IGF2BP3: variants seen among roughly 807,000 people sequenced by gnomAD.
The protein encoded by IGF2BP3 is insulin-like growth factor 2 mRNA-binding protein 3.
Under a neutral mutation model 73.8 loss-of-function variants are expected in IGF2BP3, and 9 were observed. That is an observed-to-expected ratio of 0.12 (90% CI 0.07 to 0.21). IGF2BP3 has a LOEUF of 0.21. IGF2BP3 is among the 10% of genes least tolerant of loss of function. IGF2BP3 has a pLI of 1.00. For missense variants in IGF2BP3, 542 were observed against 714.0 expected, an observed-to-expected ratio of 0.76 and a Z score of 2.75; for synonymous variants, 258 against 256.7, an observed-to-expected ratio of 1.01 and a Z score of -0.05.
chr7:23,351,242 C>T, intron 6 of IGF2BP3, 63 bp downstream of exon 6: 21 of 1,570,300 alleles, frequency 1.3e-5, no homozygotes, highest in Non-Finnish European at 1.7e-5. Context: ...CAGAACGACA[C>T]ACTGTTACTA....
chr7:23,335,622 C>G (rs1238642979), intron 10 of IGF2BP3, among the ~76,000 whole-genome samples: 2 of 152,090 alleles, frequency 1.3e-5, no homozygotes, highest in East Asian at 3.8e-4. Context: ...GTGCTAATCT[C>G]TCTTGCCTCT....
intron 1 of IGF2BP3, among the ~76,000 whole-genome samples, 166 bp from the exon 2 acceptor site, chr7:23,468,708 G>A (rs1011796259): frequency 3.9e-5 from 6 of 152,200 alleles, no homozygotes; most frequent in African/African-American, 1.4e-4. Context: ...CCCCTCGAGC[G>A]GCGTGGGCAT....
chr7:23,403,233 A>T (rs1162704347), intron 3 of IGF2BP3, among the ~76,000 whole-genome samples: 1 of 152,186 alleles, frequency 6.6e-6, no homozygotes, highest in Admixed American at 6.6e-5. Flanking sequence ...AGAGCACACA[A>T]CTTTGCATTG....
At chr7:23,344,011 C>T (rs749150943) in intron 8 of IGF2BP3, among the ~76,000 whole-genome samples, 158 bp from the exon 9 acceptor site, 1 of 152,142 alleles carries the variant, frequency 6.6e-6, no homozygotes, top group Non-Finnish European at 1.5e-5. Flanking sequence ...CCCCAAAAGA[C>T]GTAAATCCGA....
At chr7:23,371,060 G>C (rs1421931853) in intron 3 of IGF2BP3, among the ~76,000 whole-genome samples, 2 of 152,014 alleles carry the variant, frequency 1.3e-5, no homozygotes, top group Non-Finnish European at 1.5e-5. Context: ...TATAGAAGTG[G>C]AACAAGCATT....
In IGF2BP3 at chr7:23,336,896, C is replaced by T. The variant is rs115695699; in HGVS notation, c.1203+5168G>A. The stretch of plus-strand genomic sequence containing the variant: ...CCAGGATGCGGAGTTTGCAGTGAAC[C>T]GAGATTGCGCCACCACACTCCACCC... On this transcript the variant is annotated intron_variant, in intron 10 of 14. Transcript: ENST00000258729. Among the ~76,000 whole-genome samples the T allele has an allele frequency of 8.9e-3, 1,352 of 151,666 alleles. 20 individuals carry two copies. Among genetic ancestry groups the T allele is most frequent in the African/African-American group, 0.031 (1,269 of 41,342 alleles).
At chr7:23,371,490 A>G (rs1024517522) in intron 3 of IGF2BP3, among the ~76,000 whole-genome samples, 3 of 152,218 alleles carry the variant, frequency 2.0e-5, no homozygotes, top group African/African-American at 7.2e-5. Context: ...CCAGTTAAAT[A>G]TTGATATATA....
chr7:23,447,356 C>T (rs974356645), intron 2 of IGF2BP3, among the ~76,000 whole-genome samples: 2 of 151,144 alleles, frequency 1.3e-5, no homozygotes, highest in East Asian at 2.0e-4. Flanking sequence ...GATTACAGGT[C>T]GCTCATGCCT....
intron 3 of IGF2BP3, among the ~76,000 whole-genome samples, chr7:23,387,791 T>C (rs940069885): frequency 2.0e-5 from 3 of 152,098 alleles, no homozygotes; most frequent in East Asian, 1.9e-4. Flanking sequence ...CACACACACA[T>C]ACTCACACAA....
intron 2 of IGF2BP3, among the ~76,000 whole-genome samples, chr7:23,451,766 T>A (rs1237228436): frequency 6.6e-6 from 1 of 151,766 alleles, no homozygotes; most frequent in Non-Finnish European, 1.5e-5. Flanking sequence ...CTGGCCAACG[T>A]AGTGAAACCC....
At chr7:23,400,340 C>T (rs1013987336) in intron 3 of IGF2BP3, among the ~76,000 whole-genome samples, 11 of 152,332 alleles carry the variant, frequency 7.2e-5, no homozygotes, top group African/African-American at 2.6e-4. Flanking sequence ...GAAGTAGTAT[C>T]TCTAAGCTAT....
intron 3 of IGF2BP3, among the ~76,000 whole-genome samples, chr7:23,392,627 T>G (rs1402532036): frequency 6.6e-6 from 1 of 151,920 alleles, no homozygotes; most frequent in Non-Finnish European, 1.5e-5. Context: ...CACAAACACT[T>G]TTTTTTGTTT....
chr7:23,317,556 G>T, intron 12 of IGF2BP3, 83 bp downstream of exon 12: 1 of 943,880 alleles, frequency 1.1e-6, no homozygotes, highest in Non-Finnish European at 1.7e-6. Flanking sequence ...CTGAGATTTA[G>T]ACATATTTAA....
At chr7:23,336,494 G>T (rs1190752286) in intron 10 of IGF2BP3, among the ~76,000 whole-genome samples, 1 of 150,898 alleles carries the variant, frequency 6.6e-6, no homozygotes, top group Non-Finnish European at 1.5e-5. Context: ...ACATAAAACA[G>T]TATGTTCTTT....
chr7:23,335,790 C>T (rs1016884500), intron 10 of IGF2BP3, among the ~76,000 whole-genome samples: 2 of 152,220 alleles, frequency 1.3e-5, no homozygotes, highest in African/African-American at 4.8e-5. Flanking sequence ...TAAGGCGACA[C>T]GCACTATGCC....
rs892410115 is a variant in IGF2BP3 at position 23,312,415 on chromosome 7, G to A, written c.1687C>T (p.His563Tyr). 8 of 1,613,652 alleles carry A rather than the reference G, an allele frequency of 5.0e-6. No individual in the cohort carries two copies. The highest frequency in any genetic ancestry group is 6.8e-6 in the Non-Finnish European group (8 of 1,179,968). The change falls in exon 15 of 15, where the codon CAC (histidine) becomes TAC (tyrosine). Residue 563 changes from histidine (H) to tyrosine (Y), a missense_variant. Physicochemically the swap from His to Tyr is moderately conservative, Grantham distance 83 (BLOSUM62 2). Transcript: ENST00000258729. ...CTTTGCAGAGCCTTCTGTTGTTGGT[G>A]CTGCTTTACCTGAGTCAGAATTTCC... ...IQEILTQVKQHQQQKALQSGP... is the reference protein window; with the variant it reads ...IQEILTQVKQYQQQKALQSGP...
chr7:23,452,255 C>T (rs2128548885), intron 2 of IGF2BP3, among the ~76,000 whole-genome samples: 1 of 152,218 alleles, frequency 6.6e-6, no homozygotes. Flanking sequence ...CCGCCTGCCT[C>T]AGCCTCCTCA....
In IGF2BP3 at chr7:23,333,471, G is replaced by C. The variant is rs538738741; in HGVS notation, c.1203+8593C>G. On this transcript the variant is annotated intron_variant, in intron 10 of 14. Transcript: ENST00000258729. Reference sequence around the variant, plus strand: ...AAAACAAAGTTATCTTTCTGACATAGTGATGAAGGGCTGTCCATGTTCTTG... The same window carrying C: ...AAAACAAAGTTATCTTTCTGACATACTGATGAAGGGCTGTCCATGTTCTTG... 3.3e-5 allele frequency among the ~76,000 whole-genome samples: 5 copies of C among 152,214 alleles called. No homozygotes were observed. In the South Asian group the frequency reaches 1.0e-3, roughly 32 times the overall value.
chr7:23,337,855 G>A (rs1282815554), intron 10 of IGF2BP3, among the ~76,000 whole-genome samples: 1 of 152,080 alleles, frequency 6.6e-6, no homozygotes, highest in Admixed American at 6.6e-5. Context: ...CTTCTTGTTG[G>A]CTGGAAACAG....
Sources: allele counts gnomAD v4.1 joint callset (sites outside exome capture counted in the v4.1 genomes callset), GRCh38; gene constraint gnomAD v4.1.1; transcripts MANE v1.5; gene names NCBI Gene and HGNC (gene_info 2026-07-23, HGNC 2026-07-21).